Variants in GPRIN3 observed in about 807,000 individuals in gnomAD.
The protein encoded by GPRIN3 is GPRIN family member 3, also known as G protein-regulated inducer of neurite outgrowth 3.
In GPRIN3, 12 loss-of-function variants were observed where a neutral mutation model predicts 13.7. The ratio of observed to expected loss-of-function variants is 0.87; its 90% CI spans 0.56 to 1.42. The LOEUF is 1.42. Among genes scored for constraint, GPRIN3 ranks in the 40% most tolerant of loss-of-function variants. The probability of loss-of-function intolerance (pLI) is 0.00; values close to 1 mark genes in which losing one functional copy is unlikely to be tolerated. For synonymous variants in GPRIN3, 377 were observed against 372.7 expected, an observed-to-expected ratio of 1.01 and a Z score of -0.13; for missense variants, 1,009 against 958.7, an observed-to-expected ratio of 1.05 and a Z score of -0.69.
chr4:89,288,663 T>C (rs1724490084), intron 1 of GPRIN3, among the ~76,000 whole-genome samples: 2 of 152,228 alleles, frequency 1.3e-5, no homozygotes, highest in Admixed American at 1.3e-4. Context: ...GCAGTTCTTC[T>C]AAAACTGGGG....
chr4:89,303,597 A>G (rs1176218509), intron 1 of GPRIN3, among the ~76,000 whole-genome samples: 2 of 148,208 alleles, frequency 1.3e-5, no homozygotes, highest in Non-Finnish European at 3.0e-5. Context: ...GCTAGAGAAT[A>G]AAACAGTGAT....
chr4:89,258,163 C>T (rs1442439565), intron 1 of GPRIN3, among the ~76,000 whole-genome samples: 1 of 151,322 alleles, frequency 6.6e-6, no homozygotes, highest in African/African-American at 2.4e-5. Flanking sequence ...CTGTATTTAA[C>T]ATAAGCTTTA....
In GPRIN3 at chr4:89,247,830, G is replaced by A. The variant is rs767487014; in HGVS notation, c.2281C>T (p.Arg761Ter). The A allele has an allele frequency of 1.2e-5, 19 of 1,613,788 alleles. No individual in the cohort carries two copies. The highest frequency in any genetic ancestry group is 1.5e-5 in the Non-Finnish European group (18 of 1,179,860). Residue 761 changes from arginine to a stop codon, truncating the protein, a stop_gained, in exon 2 of 2, where the codon CGA (arginine) becomes TGA (stop). Coordinates refer to ENST00000609438, the MANE Select transcript of GPRIN3 (RefSeq NM_198281.3). LOFTEE classifies it high-confidence loss of function. ...SVFQSMLQNF[R>*]RPNCCVRPAP... is the part of the protein sequence containing the mutation. Reference sequence around the variant, plus strand: ...GGACGGACGCAGCAGTTGGGGCGTCGGAAGTTCTGCAGCATGGACTGGAAA... The same window carrying A: ...GGACGGACGCAGCAGTTGGGGCGTCAGAAGTTCTGCAGCATGGACTGGAAA...
chr4:89,262,125 C>CA (rs61290252), intron 1 of GPRIN3, among the ~76,000 whole-genome samples: 595 of 53,160 alleles, frequency 0.011, 5 homozygotes, highest in Admixed American at 0.019. Context: ...GACCCAGTCT[C>CA]AAAAAAAAAA....
Position 89,249,710 on chromosome 4 carries a change from G to C in GPRIN3, c.401C>G (p.Thr134Ser), listed in dbSNP as rs781607794. ...CTGATCACCTGGGATGGACTGGCAG[G>C]TGTGCTGATTGGCGGGCATTGTCAA... ...TPLTMPANQH[T>S]CQSIPGDQPN... is the part of the protein sequence containing the mutation. Residue 134 changes from threonine to serine, a missense_variant, in exon 2 of 2, where the codon ACC (threonine) becomes AGC (serine). By Grantham distance (58) the Thr-to-Ser change is moderately conservative (BLOSUM62 1). Coordinates refer to ENST00000609438, the MANE Select transcript of GPRIN3 (RefSeq NM_198281.3). 1.2e-6 allele frequency: 2 copies of C among 1,614,116 alleles called. No individual in the cohort carries two copies. Among genetic ancestry groups the C allele is most frequent in the Non-Finnish European group, 1.7e-6 (2 of 1,180,040 alleles).
chr4:89,264,214 A>G (rs1463682902), intron 1 of GPRIN3, among the ~76,000 whole-genome samples: 4 of 152,062 alleles, frequency 2.6e-5, no homozygotes, highest in Non-Finnish European at 5.9e-5. Context: ...TTGCAGATGA[A>G]TGAGTTCTCT....
chr4:89,306,263 G>T (rs1395433888), intron 1 of GPRIN3, among the ~76,000 whole-genome samples: 2 of 152,100 alleles, frequency 1.3e-5, no homozygotes, highest in Non-Finnish European at 2.9e-5. Flanking sequence ...GCAGGCCAAT[G>T]GTGAGCACAA....
chr4:89,268,254 A>G (rs1578090705), intron 1 of GPRIN3, among the ~76,000 whole-genome samples: 1 of 152,344 alleles, frequency 6.6e-6, no homozygotes, highest in East Asian at 1.9e-4. Flanking sequence ...ATAGGAAAGA[A>G]TCCATCAATG....
At chr4:89,282,594 AT>A (rs11306317) in intron 1 of GPRIN3, among the ~76,000 whole-genome samples, 18,366 of 135,462 alleles carry the variant, frequency 0.14, 1,234 homozygotes, top group East Asian at 0.29. Context: ...TTTTTTTGCA[AT>A]TTTTTTTTTT....
chr4:89,278,672 G>A (rs142839404), intron 1 of GPRIN3, among the ~76,000 whole-genome samples: 1 of 152,320 alleles, frequency 6.6e-6, no homozygotes, highest in Non-Finnish European at 1.5e-5. Context: ...TTAATGTCTA[G>A]ATTAATGCCT....
chr4:89,270,000 C>T (rs1307336823), intron 1 of GPRIN3, among the ~76,000 whole-genome samples: 36 of 152,074 alleles, frequency 2.4e-4, no homozygotes, highest in Non-Finnish European at 4.4e-5. Context: ...TATTAATTCT[C>T]TTAGCTTGAG....
At chr4:89,291,187 T>C (rs1176015967) in intron 1 of GPRIN3, among the ~76,000 whole-genome samples, 1 of 152,224 alleles carries the variant, frequency 6.6e-6, no homozygotes, top group Non-Finnish European at 1.5e-5. Context: ...ATTTTTTCTT[T>C]AAGAATTAAC....
At chr4:89,289,041 T>G (rs890090842) in intron 1 of GPRIN3, among the ~76,000 whole-genome samples, 1 of 151,816 alleles carries the variant, frequency 6.6e-6, no homozygotes, top group Non-Finnish European at 1.5e-5. Flanking sequence ...GATCATCCCT[T>G]TGTAGCCTTA....
chr4:89,248,872 T>C lies in GPRIN3; in HGVS notation c.1239A>G (p.Leu413=). The stretch of plus-strand genomic sequence containing the variant: ...ATGAGGTTTTAAGGACCCCACCTGG[T>C]AGGCTCGCAAGTTTATTTTCCCGTT... The part of the protein sequence containing the change: ...AFQRENKLAS[L]PGGVLKTSSI... Residue 413 remains leucine, a synonymous_variant, in exon 2 of 2, where the codon CTA becomes CTG. Transcript: ENST00000609438. The C allele has an allele frequency of 6.2e-7, 1 of 1,614,172 alleles. No homozygotes were observed. Among genetic ancestry groups the C allele is most frequent in the African/African-American group, 1.3e-5 (1 of 75,056 alleles).
intron 1 of GPRIN3, among the ~76,000 whole-genome samples, chr4:89,298,881 G>A (rs1354455088): frequency 6.6e-6 from 1 of 151,824 alleles, no homozygotes; most frequent in Non-Finnish European, 1.5e-5. Flanking sequence ...TCCAGCTCAG[G>A]TTATTAACTT....
In GPRIN3 at chr4:89,250,177, C is replaced by G; in HGVS notation, c.-67G>C. On this transcript the variant is annotated 5_prime_UTR_variant, in exon 2 of 2. Transcript: ENST00000609438. ...TGGTCCCACTGGTGGGGGAGGGGAG[C>G]GCAGTCAGAGCTCAGAGTGATGACA... 1 of 1,538,472 alleles carries G rather than the reference C, an allele frequency of 6.5e-7. No individual in the cohort carries two copies. The highest frequency in any genetic ancestry group is 8.8e-7 in the Non-Finnish European group (1 of 1,142,782).
intron 1 of GPRIN3, among the ~76,000 whole-genome samples, chr4:89,263,657 TA>T (rs1243121053): frequency 6.6e-6 from 1 of 152,226 alleles, no homozygotes; most frequent in Non-Finnish European, 1.5e-5. Flanking sequence ...ACCCCATCTT[TA>T]GCTGAACTAA....
intron 1 of GPRIN3, among the ~76,000 whole-genome samples, chr4:89,257,715 G>A (rs1723507117): frequency 6.6e-6 from 1 of 152,038 alleles, no homozygotes; most frequent in African/African-American, 2.4e-5. Flanking sequence ...ATTTTTTGTG[G>A]AGGCAAACTC....
At chr4:89,289,740 C>A (rs1004162370) in intron 1 of GPRIN3, among the ~76,000 whole-genome samples, 1 of 152,148 alleles carries the variant, frequency 6.6e-6, no homozygotes, top group Non-Finnish European at 1.5e-5. Flanking sequence ...ACAGCTGCCT[C>A]AGACACAGTT....
Sources: allele counts gnomAD v4.1 joint callset (sites outside exome capture counted in the v4.1 genomes callset), GRCh38; gene constraint gnomAD v4.1.1; transcripts MANE v1.5; gene names NCBI Gene and HGNC (gene_info 2026-07-23, HGNC 2026-07-21).